Variants in FAIM2 observed in about 807,000 individuals in gnomAD.
The protein encoded by FAIM2 is Fas apoptotic inhibitory molecule 2.
Under a neutral mutation model 47.4 loss-of-function variants are expected in FAIM2, and 27 were observed. That is an observed-to-expected ratio of 0.57 (90% confidence interval 0.42 to 0.78). The LOEUF (loss-of-function observed/expected upper bound fraction) is 0.78. Among genes scored for constraint, FAIM2 ranks in the 30% least tolerant of loss-of-function variants. The pLI is 0.00. For missense variants in FAIM2, 311 were observed against 389.4 expected (o/e 0.80, Z 1.69); for synonymous variants, 156 against 159.3 (o/e 0.98, Z 0.16).
chr12:49,900,112 G>A (rs1459606173), intron 2 of FAIM2: 1 of 922,154 alleles, frequency 1.1e-6, no homozygotes, highest in Admixed American at 2.6e-5. Flanking sequence ...AAGTGGGCCG[G>A]CGGGTGTGTA....
At chr12:49,894,622 G>A (rs1257722103) in intron 5 of FAIM2, among the ~76,000 whole-genome samples, 2 of 152,208 alleles carry the variant, frequency 1.3e-5, no homozygotes, top group Admixed American at 1.3e-4. Flanking sequence ...TGTCAGGACA[G>A]GGAAGTAAGG....
chr12:49,885,378 A>G (rs1274772741), intron 11 of FAIM2, among the ~76,000 whole-genome samples: 1 of 152,020 alleles, frequency 6.6e-6, no homozygotes, highest in East Asian at 1.9e-4. Context: ...GTCCCCTGCA[A>G]ATGCCTCCCT....
At chr12:49,887,084 C>G (rs1002056550) in intron 11 of FAIM2, among the ~76,000 whole-genome samples, 1 of 152,084 alleles carries the variant, frequency 6.6e-6, no homozygotes. Flanking sequence ...CTCTCGCCCC[C>G]GCAAGCACCG....
chr12:49,878,392 G>GTGTGTGTGCATGTGTA (rs142129827), intron 11 of FAIM2, among the ~76,000 whole-genome samples: 5,392 of 125,214 alleles, frequency 0.043, 992 homozygotes, highest in African/African-American at 0.12. Context: ...GTGTATATGT[G>GTGTGTGTGCATGTGTA]TGTGTCTGTG....
intron 8 of FAIM2, 148 bp from the exon 9 acceptor site, chr12:49,889,716 C>A: frequency 1.5e-6 from 1 of 661,638 alleles, no homozygotes. Flanking sequence ...CTCTGTCTGC[C>A]TCCCCAGCCT....
At chr12:49,896,859 C>T (rs1291826224) in intron 5 of FAIM2, among the ~76,000 whole-genome samples, 172 bp downstream of exon 5, 1 of 152,166 alleles carries the variant, frequency 6.6e-6, no homozygotes, top group Non-Finnish European at 1.5e-5. Flanking sequence ...GTGCTTCTGG[C>T]CATGCTCTGA....
intron 11 of FAIM2, among the ~76,000 whole-genome samples, chr12:49,878,778 G>T (rs1946769032): frequency 8.8e-6 from 1 of 114,084 alleles, no homozygotes; most frequent in Non-Finnish European, 1.7e-5. Flanking sequence ...GTGTGCATGA[G>T]TGTATGTGTG....
In FAIM2 at chr12:49,874,082, C is replaced by T. The variant is rs1946720114; in HGVS notation, c.802-3429G>A. On this transcript the variant is annotated intron_variant, in intron 11 of 11. Coordinates refer to ENST00000320634, the MANE Select transcript of FAIM2 (RefSeq NM_012306.4). The surrounding 1 kb of genome is among the most constrained non-coding windows in gnomAD (Gnocchi z 4.2). ...CAGGTATCTTGGTTATAGTTAACATCTTAGTGGGTAGCTAGGATCTTGGCT... is the reference window on the plus strand; with the variant it reads ...CAGGTATCTTGGTTATAGTTAACATTTTAGTGGGTAGCTAGGATCTTGGCT... Among the ~76,000 whole-genome samples, 1 of 152,160 alleles carries T rather than the reference C, an allele frequency of 6.6e-6. No homozygotes were observed. Among genetic ancestry groups the T allele is most frequent in the Admixed American group, 6.5e-5 (1 of 15,274 alleles).
chr12:49,901,709 C>T (rs1291827205), intron 1 of FAIM2: 1 of 161,380 alleles, frequency 6.2e-6, no homozygotes, highest in Non-Finnish European at 1.3e-5. Flanking sequence ...GACTTGCTAG[C>T]TGCATTTTGA....
intron 11 of FAIM2, among the ~76,000 whole-genome samples, chr12:49,879,867 T>A (rs1411713082): frequency 6.7e-6 from 1 of 149,594 alleles, no homozygotes; most frequent in Non-Finnish European, 1.5e-5. Context: ...CATGTGTATA[T>A]GTACGTGTAT....
At chr12:49,880,264 GTA>G (rs1462834503) in intron 11 of FAIM2, among the ~76,000 whole-genome samples, 2 of 151,534 alleles carry the variant, frequency 1.3e-5, no homozygotes, top group African/African-American at 2.4e-5. Flanking sequence ...GTATATGTGC[GTA>G]TGTGTATATG....
chr12:49,880,167 T>TGTGTGTGTGC (rs146657856), intron 11 of FAIM2, among the ~76,000 whole-genome samples: 5 of 143,414 alleles, frequency 3.5e-5, no homozygotes, highest in East Asian at 2.1e-4. Flanking sequence ...TGCATGTGTG[T>TGTGTGTGTGC]ATGTGTGTGT....
In FAIM2 at chr12:49,887,397, C is replaced by T. The variant is rs767151158; in HGVS notation, c.790G>A (p.Val264Ile). The change falls in exon 11 of 12, where the codon GTA (valine) becomes ATA (isoleucine). Residue 264 changes from valine to isoleucine, a missense_variant. Transcript: ENST00000320634. ...HAVYAALGAG[V>I]FTLFLALDTQ... ...TAGACCACACTCACCAATGTAAATA[C>T]ACCCGCTCCCAGTGCTGCATAAACT... 5 of 1,611,000 alleles carry T rather than the reference C, an allele frequency of 3.1e-6. No individual in the cohort carries two copies. The highest frequency in any genetic ancestry group is 3.4e-5 in the Admixed American group (2 of 59,682).
chr12:49,878,574 G>A (rs1288107821), intron 11 of FAIM2, among the ~76,000 whole-genome samples: 2 of 122,858 alleles, frequency 1.6e-5, no homozygotes, highest in Non-Finnish European at 3.4e-5. Flanking sequence ...ATATGTTCAT[G>A]TGTATATGTA....
Position 49,867,393 on chromosome 12 carries a change from G to C in FAIM2, c.*3111C>G, listed in dbSNP as rs1289386687. 1 of 152,318 alleles carries C rather than the reference G, an allele frequency of 6.6e-6. No individual in the cohort carries two copies. The highest frequency in any genetic ancestry group is 2.4e-5 in the African/African-American group (1 of 41,470). 9.4% of individuals were successfully genotyped at this position (152,318 alleles called of 1,614,324 possible). A position where few individuals can be genotyped will look rare whatever the true frequency, so the allele number is the denominator to read the frequency against. ...CAGGTGGGCCAGGGAAGGAGGCAAG[G>C]AGCCTTTTGGAAAATGGGTGTCTGT... On this transcript the variant is annotated 3_prime_UTR_variant, in exon 12 of 12. Transcript: ENST00000320634.
chr12:49,900,156 C>G, intron 2 of FAIM2: 11 of 1,271,242 alleles, frequency 8.7e-6, no homozygotes, highest in Non-Finnish European at 1.1e-5. Context: ...AACACCAGAC[C>G]TTCATTGACC....
At chr12:49,880,667 T>C (rs1946815662) in intron 11 of FAIM2, among the ~76,000 whole-genome samples, 1 of 151,920 alleles carries the variant, frequency 6.6e-6, no homozygotes. Context: ...TGCATGTGTG[T>C]GCGTGTCTAT....
chr12:49,892,965 C>T (rs1056262145), intron 5 of FAIM2, among the ~76,000 whole-genome samples: 7 of 152,184 alleles, frequency 4.6e-5, no homozygotes, highest in African/African-American at 1.7e-4. Flanking sequence ...TTAACTCTCA[C>T]TCTGCTACAC....
intron 11 of FAIM2, among the ~76,000 whole-genome samples, chr12:49,876,112 A>G (rs836964): frequency 0.15 from 22,573 of 152,238 alleles, 1,918 homozygotes; most frequent in African/African-American, 0.24. Flanking sequence ...GCTTAAGAAC[A>G]TAGGCTGGGG....
Sources: gnomAD v4.1 joint callset for allele counts (sites outside exome capture counted in the v4.1 genomes callset) on GRCh38, gnomAD v4.1.1 for gene constraint, Gnocchi (gnomAD v3.1) non-coding constraint, MANE v1.5 for transcripts, NCBI Gene and HGNC (gene_info 2026-07-23, HGNC 2026-07-21) for gene names.